Variants in TP53BP2 observed in about 807,000 individuals in gnomAD.
TP53BP2 encodes the protein apoptosis-stimulating of p53 protein 2.
In TP53BP2, 62 loss-of-function variants were observed where a neutral mutation model predicts 126.2. The ratio of observed to expected loss-of-function variants is 0.49; its 90% CI spans 0.40 to 0.61. TP53BP2 has a LOEUF of 0.61. Ranked by LOEUF, TP53BP2 falls within the 20% of genes least tolerant of loss-of-function variation. The pLI is 0.00. For synonymous variants in TP53BP2, 485 were observed against 502.9 expected, an observed-to-expected ratio of 0.96 and a Z score of 0.48; for missense variants, 1,215 against 1,402.8, an observed-to-expected ratio of 0.87 and a Z score of 2.14.
intron 1 of TP53BP2, among the ~76,000 whole-genome samples, chr1:223,822,840 A>G (rs1181569898): frequency 6.6e-6 from 1 of 152,198 alleles, no homozygotes; most frequent in Non-Finnish European, 1.5e-5. Flanking sequence ...ACAGGAAACA[A>G]GTTTTCGACA....
chr1:223,804,477 C>T, intron 5 of TP53BP2, 129 bp from the exon 6 acceptor site: 1 of 788,758 alleles, frequency 1.3e-6, no homozygotes, highest in Non-Finnish European at 2.0e-6. Flanking sequence ...GTCTCACCTT[C>T]TTCCTAAACA....
chr1:223,837,161 G>GT (rs1203537668), intron 1 of TP53BP2, among the ~76,000 whole-genome samples: 1 of 136,134 alleles, frequency 7.3e-6, no homozygotes, highest in Non-Finnish European at 1.6e-5. Context: ...AAAAAGGGGG[G>GT]GGGCGGGGGG....
intron 1 of TP53BP2, among the ~76,000 whole-genome samples, chr1:223,836,689 A>T (rs1663934372): frequency 6.6e-6 from 1 of 152,148 alleles, no homozygotes; most frequent in Non-Finnish European, 1.5e-5. Flanking sequence ...AGAACAGAAA[A>T]GGTAAGAAAA....
At chr1:223,793,176 G>T in intron 14 of TP53BP2, 127 bp downstream of exon 14, 1 of 738,898 alleles carries the variant, frequency 1.4e-6, no homozygotes, top group Non-Finnish European at 2.0e-6. Flanking sequence ...CTCTACAGTC[G>T]CTTTCTAATT....
intron 2 of TP53BP2, 72 bp downstream of exon 2, chr1:223,821,148 A>C (rs1028053861): frequency 1.3e-6 from 2 of 1,586,314 alleles, no homozygotes; most frequent in Non-Finnish European, 1.7e-6. Context: ...GCATTCACAC[A>C]GTGCCACGTC....
At chr1:223,812,978 A>G (rs1482589398) in intron 3 of TP53BP2, among the ~76,000 whole-genome samples, 1 of 152,120 alleles carries the variant, frequency 6.6e-6, no homozygotes, top group Non-Finnish European at 1.5e-5. Context: ...GATTACAGGC[A>G]TGAGCCACCG....
rs758186417 is a variant in TP53BP2, at chr1:223,796,313, A to G, written c.2226T>C (p.Ser742=). Residue 742 remains serine, a synonymous_variant, in exon 13 of 18, where the codon AGT becomes AGC. Transcript: ENST00000343537. The surrounding 1 kb of genome is among the most constrained non-coding windows in gnomAD (Gnocchi z 4.2). ...SNAPRPLKKR[S]SITEPEGPNG... ...TAGGACCCTCTGGCTCTGTAATAGA[A>G]CTACGTTTCTTTAGAGGCCTTGGTG... is the stretch of plus-strand genomic sequence containing the variant. The G allele has an allele frequency of 1.9e-6, 3 of 1,614,170 alleles. No homozygotes were observed. In the South Asian group the frequency reaches 3.3e-5, roughly 18 times the overall value.
intron 2 of TP53BP2, among the ~76,000 whole-genome samples, chr1:223,817,818 C>G (rs978004926): frequency 6.6e-6 from 1 of 151,044 alleles, no homozygotes; most frequent in Non-Finnish European, 1.5e-5. Context: ...TCCAGCTACT[C>G]AGGGGGCTGA....
chr1:223,826,939 T>A (rs183826675), intron 1 of TP53BP2, among the ~76,000 whole-genome samples: 2 of 152,192 alleles, frequency 1.3e-5, no homozygotes, highest in East Asian at 3.9e-4. Flanking sequence ...ACTCGCTTGG[T>A]GGACAGAATG....
In TP53BP2 at chr1:223,800,844, G is replaced by C. The variant is rs921821766; in HGVS notation, c.1226-34C>G. The C allele has an allele frequency of 2.1e-6, 3 of 1,453,188 alleles. No individual in the cohort carries two copies. In the African/African-American group the frequency reaches 4.3e-5, roughly 21 times the overall value. 90.0% of individuals were successfully genotyped at this position (1,453,188 alleles called of 1,614,324 possible). On this transcript the variant is annotated intron_variant, in intron 9 of 17. Transcript: ENST00000343537. ...CAGAAAAGCAGCTACAAATAACTCA[G>C]CATTCTAAAGAGATTTTTAATGATT...
chr1:223,826,398 T>C (rs535401352), intron 1 of TP53BP2, among the ~76,000 whole-genome samples: 2 of 152,306 alleles, frequency 1.3e-5, no homozygotes, highest in South Asian at 4.1e-4. Flanking sequence ...GTGATGTTGA[T>C]ACTGCCGGTC....
Position 223,821,332 on chromosome 1 carries a change from C to T in TP53BP2, c.63G>A (p.Gln21=), listed in dbSNP as rs781537549. Residue 21 remains glutamine, a synonymous_variant, in exon 2 of 18, where the codon CAG becomes CAA. Transcript: ENST00000343537. The part of the protein sequence containing the change: ...FLTVYLSNNE[Q]HFTEVPVTPE... ...GAGTAACTGGAACTTCTGTGAAGTG[C>T]TGCTCATTGTTACTGAGATACACGG... 1.5e-5 allele frequency: 24 copies of T among 1,613,882 alleles called. No individual in the cohort carries two copies. In the Middle Eastern group the frequency reaches 8.2e-4, roughly 55 times the overall value.
intron 1 of TP53BP2, among the ~76,000 whole-genome samples, chr1:223,823,185 C>T (rs1663373585): frequency 6.6e-6 from 1 of 152,178 alleles, no homozygotes; most frequent in Non-Finnish European, 1.5e-5. Context: ...GGCCTACCAA[C>T]AGTCACACAA....
intron 1 of TP53BP2, among the ~76,000 whole-genome samples, chr1:223,837,660 G>A (rs2102889966): frequency 6.6e-6 from 1 of 152,246 alleles, no homozygotes; most frequent in Admixed American, 6.5e-5. Context: ...ATTTTTGGCA[G>A]CTTTCTGTAG....
At chr1:223,804,541 CCCTAGAATCT>C (rs1662650023) in intron 5 of TP53BP2, among the ~76,000 whole-genome samples, 193 bp from the exon 6 acceptor site, 1 of 152,160 alleles carries the variant, frequency 6.6e-6, no homozygotes, top group Non-Finnish European at 1.5e-5. Flanking sequence ...CCTGAGCCCA[CCCTAGAATCT>C]TCTGGGGATA....
rs1662541587 is a variant in TP53BP2 at position 223,802,034 on chromosome 1, C to G, written c.1225+82G>C. ...AGAATTCAAACATGAATAATGAATA[C>G]AAAGAGAGATTTTTTTTAAACTCAA... On this transcript the variant is annotated intron_variant, in intron 9 of 17. Transcript: ENST00000343537. 11 of 1,346,436 alleles carry G rather than the reference C, an allele frequency of 8.2e-6. No homozygotes were observed. The Middle Eastern group carries it at 7.5e-4, about 92-fold the overall frequency. 83.4% of individuals were successfully genotyped at this position (1,346,436 alleles called of 1,614,324 possible). A position where few individuals can be genotyped will look rare whatever the true frequency, so the allele number is the denominator to read the frequency against.
At chr1:223,805,276 G>C (rs1323112198) in intron 5 of TP53BP2, among the ~76,000 whole-genome samples, 2 of 151,886 alleles carry the variant, frequency 1.3e-5, no homozygotes, top group Non-Finnish European at 2.9e-5. Context: ...AAACCCACAA[G>C]GACTTGTTTT....
chr1:223,820,061 G>A (rs1227628704), intron 2 of TP53BP2, among the ~76,000 whole-genome samples: 1 of 152,214 alleles, frequency 6.6e-6, no homozygotes, highest in Non-Finnish European at 1.5e-5. Flanking sequence ...TTTTGGCAGG[G>A]TGCTCAGGAA....
intron 5 of TP53BP2, 54 bp downstream of exon 5, chr1:223,806,792 C>T: frequency 3.4e-6 from 5 of 1,467,284 alleles, no homozygotes; most frequent in Non-Finnish European, 4.7e-6. Flanking sequence ...CCACTGCACT[C>T]CAGCCTAGGC....
Sources: gnomAD v4.1 joint callset for allele counts (sites outside exome capture counted in the v4.1 genomes callset) on GRCh38, gnomAD v4.1.1 for gene constraint, Gnocchi (gnomAD v3.1) non-coding constraint, MANE v1.5 for transcripts, NCBI Gene and HGNC (gene_info 2026-07-23, HGNC 2026-07-21) for gene names.